The following C14orf132 variants were observed in gnomAD, a reference collection of about 807,000 sequenced individuals.
C14orf132 encodes chromosome 14 open reading frame 132.
A neutral mutation model predicts 5.8 loss-of-function variants in C14orf132; 6 were observed. The ratio of observed to expected loss-of-function variants is 1.03; its 90% confidence interval spans 0.57 to 2.04. The LOEUF is 2.04. Among genes scored for constraint, C14orf132 ranks in the 30% most tolerant of loss-of-function variants. C14orf132 has a pLI of 0.00. For synonymous variants in C14orf132, 51 were observed against 49.8 expected, an observed-to-expected ratio of 1.02 and a Z score of -0.10; for missense variants, 125 against 115.8, an observed-to-expected ratio of 1.08 and a Z score of -0.37.
intron 1 of C14orf132, among the ~76,000 whole-genome samples, chr14:96,060,923 C>T (rs985154485): frequency 4.6e-5 from 7 of 152,186 alleles, no homozygotes; most frequent in African/African-American, 1.7e-4. Context: ...TGTGTATTTG[C>T]CATAGACCTT....
intron 1 of C14orf132, among the ~76,000 whole-genome samples, chr14:96,077,586 C>T (rs544442637): frequency 2.6e-5 from 4 of 152,106 alleles, no homozygotes; most frequent in South Asian, 4.2e-4. Flanking sequence ...ACAGCCTTAC[C>T]GACACCTTGA....
At chr14:96,050,285 T>G (rs1353454498) in intron 1 of C14orf132, among the ~76,000 whole-genome samples, 2 of 152,228 alleles carry the variant, frequency 1.3e-5, no homozygotes, top group Non-Finnish European at 2.9e-5. Context: ...TTGCAAGTAC[T>G]GTTTTTAAGA....
intron 1 of C14orf132, among the ~76,000 whole-genome samples, chr14:96,053,932 C>A (rs1211958835): frequency 6.6e-6 from 1 of 152,192 alleles, no homozygotes; most frequent in African/African-American, 2.4e-5. Flanking sequence ...ATCTGTCTGC[C>A]TCTCCTCTGC....
chr14:96,058,794 G>A (rs1486675766), intron 1 of C14orf132, among the ~76,000 whole-genome samples: 1 of 152,228 alleles, frequency 6.6e-6, no homozygotes, highest in Non-Finnish European at 1.5e-5. Context: ...CATTGCAGCA[G>A]TAGGGCTGCC....
chr14:96,063,098 G>C (rs543062477), intron 1 of C14orf132, among the ~76,000 whole-genome samples: 7 of 152,194 alleles, frequency 4.6e-5, no homozygotes, highest in Non-Finnish European at 7.4e-5. Context: ...GGCAGGGATC[G>C]TCATATCTGT....
chr14:96,052,338 G>T (rs1695005210), intron 1 of C14orf132, among the ~76,000 whole-genome samples: 1 of 152,252 alleles, frequency 6.6e-6, no homozygotes, highest in Non-Finnish European at 1.5e-5. Context: ...GACCCCACAG[G>T]AGGCTGAAAG....
chr14:96,072,137 G>A (rs2139671076), intron 1 of C14orf132, among the ~76,000 whole-genome samples: 1 of 152,350 alleles, frequency 6.6e-6, no homozygotes, highest in African/African-American at 2.4e-5. Flanking sequence ...TGCCCACGCT[G>A]TTGGAGAATC....
intron 1 of C14orf132, among the ~76,000 whole-genome samples, chr14:96,050,888 C>T (rs1033854973): frequency 6.6e-6 from 1 of 152,098 alleles, no homozygotes; most frequent in African/African-American, 2.4e-5. Context: ...AATCTATTCC[C>T]TATTACTCCA....
rs536901027 is a variant in C14orf132, at chr14:96,071,382, G to C, written c.28-15129G>C. On this transcript the variant is annotated intron_variant, in intron 1 of 1. Transcript: ENST00000555004. ...ACAATTCAAGATGAGATTTGGGTGG[G>C]GACACAGCCAAACCATTTCACTCTT... Among the ~76,000 whole-genome samples, 5 of 152,136 alleles carry C rather than the reference G, an allele frequency of 3.3e-5. No individual in the cohort carries two copies. In the South Asian group the frequency reaches 8.3e-4, roughly 25 times the overall value.
At chr14:96,075,773 T>C (rs545261781) in intron 1 of C14orf132, among the ~76,000 whole-genome samples, 27 of 152,348 alleles carry the variant, frequency 1.8e-4, no homozygotes, top group South Asian at 8.3e-4. Flanking sequence ...TGCTTTGCAT[T>C]ATCTTCTCTA....
intron 1 of C14orf132, among the ~76,000 whole-genome samples, chr14:96,070,960 C>T (rs1471725257): frequency 3.9e-5 from 6 of 152,108 alleles, no homozygotes; most frequent in African/African-American, 7.2e-5. Context: ...TTGCAGAGAC[C>T]GCTGAGCTCA....
intron 1 of C14orf132, among the ~76,000 whole-genome samples, chr14:96,060,264 A>T (rs1233177947): frequency 1.3e-5 from 2 of 152,184 alleles, no homozygotes; most frequent in Admixed American, 1.3e-4. Context: ...TTCTGCACAG[A>T]AAATGAAGGA....
At chr14:96,080,879 C>T (rs941074679) in intron 1 of C14orf132, among the ~76,000 whole-genome samples, 24 of 152,328 alleles carry the variant, frequency 1.6e-4, no homozygotes, top group African/African-American at 3.1e-4. Flanking sequence ...CTTAATCCCA[C>T]GGCCACAACT....
At chr14:96,054,683 C>A (rs1012968959) in intron 1 of C14orf132, among the ~76,000 whole-genome samples, 5 of 152,110 alleles carry the variant, frequency 3.3e-5, no homozygotes, top group African/African-American at 1.2e-4. Context: ...CGCATCATCC[C>A]TTTTTTTGGG....
chr14:96,044,867 C>A (rs12890183), intron 1 of C14orf132, among the ~76,000 whole-genome samples: 8,950 of 152,282 alleles, frequency 0.059, 348 homozygotes, highest in East Asian at 0.15. Context: ...ATTATCTTAA[C>A]TTGATTACAT....
At chr14:96,062,163 CA>C (rs1456264663) in intron 1 of C14orf132, among the ~76,000 whole-genome samples, 2 of 152,118 alleles carry the variant, frequency 1.3e-5, no homozygotes, top group African/African-American at 2.4e-5. Flanking sequence ...GGCTTTTCTC[CA>C]GCAAGTCGCT....
intron 1 of C14orf132, among the ~76,000 whole-genome samples, chr14:96,070,050 C>T (rs28593491): frequency 0.03 from 4,570 of 152,274 alleles, 224 homozygotes; most frequent in African/African-American, 0.1. Flanking sequence ...GGAAGAGGGG[C>T]CGACTTTTGT....
chr14:96,053,657 C>T (rs2066813646), intron 1 of C14orf132, among the ~76,000 whole-genome samples: 2 of 152,172 alleles, frequency 1.3e-5, no homozygotes, highest in Admixed American at 1.3e-4. Flanking sequence ...GGAGCAGAGC[C>T]CCACCCCCAT....
At chr14:96,061,103 GGTGCTGGGCTCT>G (rs1566827979) in intron 1 of C14orf132, among the ~76,000 whole-genome samples, 1 of 151,734 alleles carries the variant, frequency 6.6e-6, no homozygotes, top group African/African-American at 2.4e-5. Flanking sequence ...CCATTTCCCT[GGTGCTGGGCTCT>G]GTGCCTAAAA....
Sources: allele counts gnomAD v4.1 joint callset (sites outside exome capture counted in the v4.1 genomes callset), GRCh38; gene constraint gnomAD v4.1.1; transcripts MANE v1.5; gene names NCBI Gene and HGNC (gene_info 2026-07-23, HGNC 2026-07-21).